Variants in ZNF516 observed in about 807,000 individuals in gnomAD.
ZNF516 encodes zinc finger protein 516.
In ZNF516, 19 loss-of-function variants were observed where a neutral mutation model predicts 79.7. The observed-to-expected ratio is 0.24, with a 90% CI of 0.17 to 0.35. The LOEUF is 0.35. Ranked by LOEUF, ZNF516 falls within the 10% of genes least tolerant of loss-of-function variation. The probability of loss-of-function intolerance (pLI) is 1.00; values close to 1 mark genes in which losing one functional copy is unlikely to be tolerated. For missense variants in ZNF516, 1,678 were observed against 1,679.5 expected (o/e 1.00, Z 0.02); for synonymous variants, 877 against 739.5 (o/e 1.19, Z -3.02).
chr18:76,444,179 C>T (rs1217245457), intron 2 of ZNF516, among the ~76,000 whole-genome samples: 1 of 152,188 alleles, frequency 6.6e-6, no homozygotes, highest in Non-Finnish European at 1.5e-5. Flanking sequence ...GAACGATGAG[C>T]CAGTTAGAAA....
In ZNF516 at chr18:76,467,753, C is replaced by T. The variant is rs566769007; in HGVS notation, c.-271-4612G>A. 1.3e-5 allele frequency among the ~76,000 whole-genome samples: 2 copies of T among 152,354 alleles called. No individual in the cohort carries two copies. Among genetic ancestry groups the T allele is most frequent in the Admixed American group, 6.5e-5 (1 of 15,306 alleles). On this transcript the variant is annotated intron_variant, in intron 1 of 6. Transcript: ENST00000443185. The surrounding 1 kb of genome is among the most constrained non-coding windows in gnomAD (Gnocchi z 4.2). ...GAAGTTTAGCAATTTCCTGCATTTG[C>T]AGGCATGTTCAAACTGTAAGCCCGT...
intron 4 of ZNF516, among the ~76,000 whole-genome samples, chr18:76,378,544 G>A (rs1432820536): frequency 6.6e-6 from 1 of 152,236 alleles, no homozygotes; most frequent in Non-Finnish European, 1.5e-5. Flanking sequence ...TCGGTGTGGA[G>A]GAAACGTCCT....
chr18:76,391,975 C>T (rs1284124314), intron 3 of ZNF516, among the ~76,000 whole-genome samples: 2 of 152,200 alleles, frequency 1.3e-5, no homozygotes, highest in Admixed American at 6.5e-5. Context: ...AGAGGGACGG[C>T]GAGGCAAACA....
intron 3 of ZNF516, among the ~76,000 whole-genome samples, chr18:76,419,911 T>C (rs903528761): frequency 3.9e-5 from 6 of 152,234 alleles, no homozygotes; most frequent in African/African-American, 4.8e-5. Context: ...TCCTTTTATA[T>C]TCATTCCCAG....
At chr18:76,454,331 T>A (rs1912595567) in intron 2 of ZNF516, among the ~76,000 whole-genome samples, 1 of 152,254 alleles carries the variant, frequency 6.6e-6, no homozygotes, top group African/African-American at 2.4e-5. Flanking sequence ...AAGATTTTGA[T>A]AGGATAGCTG....
At chr18:76,433,640 G>C (rs950819776) in intron 3 of ZNF516, among the ~76,000 whole-genome samples, 2 of 152,186 alleles carry the variant, frequency 1.3e-5, no homozygotes, top group African/African-American at 4.8e-5. Flanking sequence ...GCAGGTGCCA[G>C]AGCTGAAATG....
At chr18:76,402,111 A>T (rs867465238) in intron 3 of ZNF516, among the ~76,000 whole-genome samples, 35 of 152,226 alleles carry the variant, frequency 2.3e-4, no homozygotes, top group Middle Eastern at 3.4e-3. Context: ...TTGTATATGC[A>T]CAAGCCTTAG....
intron 1 of ZNF516, among the ~76,000 whole-genome samples, chr18:76,476,612 T>C (rs1003473248): frequency 1.2e-4 from 19 of 152,204 alleles, no homozygotes; most frequent in Admixed American, 5.2e-4. Context: ...TATTAAACAG[T>C]GGTCAAATGA....
chr18:76,399,890 G>T (rs577186000), intron 3 of ZNF516, among the ~76,000 whole-genome samples: 10 of 152,282 alleles, frequency 6.6e-5, no homozygotes, highest in Admixed American at 1.3e-4. Context: ...ACTTAAGATT[G>T]TGAGTGACAT....
chr18:76,495,333 G>A (rs1437243512), upstream of ZNF516: 6 of 144,124 alleles, frequency 4.2e-5, no homozygotes, highest in Admixed American at 4.1e-4. Context: ...CGCGCCGCCC[G>A]CGCGCGCCCC....
At chr18:76,476,406 T>G (rs1914177523) in intron 1 of ZNF516, among the ~76,000 whole-genome samples, 2 of 152,232 alleles carry the variant, frequency 1.3e-5, no homozygotes, top group African/African-American at 2.4e-5. Context: ...TCTGGTTCAG[T>G]AATTAAAATG....
Position 76,441,872 on chromosome 18 carries a change from C to T in ZNF516, c.1183G>A (p.Gly395Ser), listed in dbSNP as rs1386237566. Residue 395 changes from glycine to serine, a missense_variant, in exon 3 of 7, where the codon GGC becomes AGC. Transcript: ENST00000443185. Reference protein sequence around the residue: ...QCLNLRPSAAGDSCPGTQAGR... With the variant: ...QCLNLRPSAASDSCPGTQAGR... ...GCCTGCGTGCCAGGGCACGAGTCGC[C>T]GGCCGCCGACGGCCTCAGGTTCAGG... 1.9e-6 allele frequency: 3 copies of T among 1,583,436 alleles called. No homozygotes were observed. The highest frequency in any genetic ancestry group is 2.3e-5 in the East Asian group (1 of 43,808).
At chr18:76,464,187 C>A (rs1415878208) in intron 1 of ZNF516, among the ~76,000 whole-genome samples, 1 of 152,056 alleles carries the variant, frequency 6.6e-6, no homozygotes, top group African/African-American at 2.4e-5. Flanking sequence ...AATTTTAGTA[C>A]TTTAAAAATT....
At chr18:76,397,071 T>C (rs1422439638) in intron 3 of ZNF516, among the ~76,000 whole-genome samples, 3 of 152,072 alleles carry the variant, frequency 2.0e-5, no homozygotes, top group Non-Finnish European at 4.4e-5. Context: ...GGGGGACACA[T>C]AATTGCTTTC....
chr18:76,381,284 G>T (rs180926349), intron 3 of ZNF516, among the ~76,000 whole-genome samples: 1 of 152,120 alleles, frequency 6.6e-6, no homozygotes, highest in South Asian at 2.1e-4. Flanking sequence ...TTGCATTTAC[G>T]GCCTTGGGTT....
intron 2 of ZNF516, among the ~76,000 whole-genome samples, chr18:76,448,658 G>A (rs1292058961): frequency 2.0e-5 from 3 of 152,162 alleles, no homozygotes; most frequent in Non-Finnish European, 4.4e-5. Flanking sequence ...TTCAGGTGAC[G>A]GCAGGCTCCT....
intron 3 of ZNF516, chr18:76,386,067 T>C (rs750749728): frequency 1.3e-5 from 2 of 152,272 alleles, no homozygotes; most frequent in African/African-American, 4.8e-5. Context: ...CCCCTCTATA[T>C]TGGGCTTCGT....
In ZNF516 at chr18:76,437,135, GCTGT is replaced by G. The variant is rs372702026; in HGVS notation, c.1810+4106_1810+4109del. ...TCACCCTCCCTAAGCTATTCTAATT[GCTGT>G]CTGTGTTCTATCAGAAAGAAAGAAG... is the stretch of plus-strand genomic sequence containing the variant. On this transcript the variant is annotated intron_variant, in intron 3 of 6. Transcript: ENST00000443185. 9.6e-5 allele frequency among the ~76,000 whole-genome samples: 14 copies of G among 146,058 alleles called. 1 individual carries two copies. The South Asian group carries it at 2.8e-3, about 29-fold the overall frequency.
In ZNF516 at chr18:76,360,399, CAG is replaced by C. The variant is rs1479745830; in HGVS notation, c.*2097_*2098del. ...CCAAGAAAACAAAAGCCAGAAAATG[CAG>C]AAATGATCACTGTGGGGAAACTACT... On this transcript the variant is annotated 3_prime_UTR_variant, in exon 7 of 7. Coordinates refer to ENST00000443185, the MANE Select transcript of ZNF516 (RefSeq NM_014643.4). The C allele has an allele frequency of 1.3e-5, 2 of 151,918 alleles. No homozygotes were observed. Among genetic ancestry groups the C allele is most frequent in the Admixed American group, 6.6e-5 (1 of 15,254 alleles). 9.4% of individuals were successfully genotyped at this position (151,918 alleles called of 1,614,324 possible).
Sources: allele counts gnomAD v4.1 joint callset (sites outside exome capture counted in the v4.1 genomes callset), GRCh38; gene constraint gnomAD v4.1.1; non-coding constraint Gnocchi (gnomAD v3.1); transcripts MANE v1.5; gene names NCBI Gene and HGNC (gene_info 2026-07-23, HGNC 2026-07-21).